Variants in RIT2 observed in about 807,000 individuals in gnomAD.
The protein encoded by RIT2 is Ras like without CAAX 2, also known as GTP-binding protein Rit2.
RIT2 carries 24 observed loss-of-function variants against 23.7 expected under a neutral mutation model. The observed-to-expected ratio is 1.01, with a 90% CI of 0.73 to 1.43. RIT2 has a LOEUF of 1.43. Among genes scored for constraint, RIT2 ranks in the 40% most tolerant of loss-of-function variants. The pLI is 0.00. For missense variants in RIT2, 236 were observed against 266.9 expected, an observed-to-expected ratio of 0.88 and a Z score of 0.81; for synonymous variants, 107 against 91.1, an observed-to-expected ratio of 1.17 and a Z score of -0.99.
intron 3 of RIT2, among the ~76,000 whole-genome samples, chr18:42,967,192 A>G (rs1487105898): frequency 6.6e-6 from 1 of 152,074 alleles, no homozygotes; most frequent in Non-Finnish European, 1.5e-5. Context: ...ATCTATCTCC[A>G]CATATAAGAG....
At chr18:42,977,238 A>T (rs1333341227) in intron 2 of RIT2, among the ~76,000 whole-genome samples, 4 of 152,032 alleles carry the variant, frequency 2.6e-5, no homozygotes, top group Non-Finnish European at 4.4e-5. Flanking sequence ...AGCCTGTTAA[A>T]TATCTATACT....
At chr18:42,922,730 G>A (rs150254651) in intron 4 of RIT2, among the ~76,000 whole-genome samples, 69 of 152,192 alleles carry the variant, frequency 4.5e-4, no homozygotes, top group African/African-American at 1.4e-3. Flanking sequence ...TGTAAGTTAC[G>A]GTAATGGATC....
chr18:42,757,303 CA>C (rs1913186511), intron 4 of RIT2, among the ~76,000 whole-genome samples: 2 of 152,152 alleles, frequency 1.3e-5, no homozygotes, highest in Admixed American at 6.6e-5. Flanking sequence ...CATGGCCCTG[CA>C]GAATCTCTGG....
chr18:42,940,236 C>CTATATATATATATATATATATATA (rs5824460), intron 3 of RIT2, among the ~76,000 whole-genome samples: 3 of 86,962 alleles, frequency 3.4e-5, no homozygotes, highest in Non-Finnish European at 6.5e-5. Flanking sequence ...GAAAGGCTCA[C>CTATATATATATATATATATATATA]TATATATATA....
chr18:43,046,880 A>G (rs1218044890), intron 1 of RIT2, among the ~76,000 whole-genome samples: 2 of 152,182 alleles, frequency 1.3e-5, no homozygotes, highest in African/African-American at 2.4e-5. Context: ...AATTTATAGT[A>G]TGGTAGATAT....
At chr18:42,945,890 G>A (rs553425429) in intron 3 of RIT2, among the ~76,000 whole-genome samples, 1 of 152,174 alleles carries the variant, frequency 6.6e-6, no homozygotes, top group African/African-American at 2.4e-5. Flanking sequence ...TTTATCATTG[G>A]AAGTATTTGC....
At position 42,920,650 on chromosome 18, in the gene RIT2, C is replaced by T. The variant is rs1016858077; in HGVS notation, c.426+2922G>A. 1.8e-5 allele frequency: 23 copies of T among 1,295,418 alleles called. No homozygotes were observed. In the Admixed American group the frequency reaches 3.7e-4, roughly 21 times the overall value. The allele number at this position is 1,295,418 out of a possible 1,614,324, so 80.2% of individuals were successfully genotyped here. A position where few individuals can be genotyped will look rare whatever the true frequency, so the allele number is the denominator to read the frequency against. On this transcript the variant is annotated intron_variant, in intron 4 of 4. Coordinates refer to ENST00000326695, the MANE Select transcript of RIT2 (RefSeq NM_002930.4). ...TCTTTTTATCTTTTTTAGAAAGGGC[C>T]CTGGGATTTCCCAAAATGCATTAAG...
intron 4 of RIT2, among the ~76,000 whole-genome samples, chr18:42,800,117 G>A (rs532124164): frequency 1.3e-5 from 2 of 152,168 alleles, no homozygotes; most frequent in African/African-American, 4.8e-5. Flanking sequence ...ATAAATAAAT[G>A]GCATTTATTT....
At chr18:43,021,503 T>C (rs1333439082) in intron 2 of RIT2, among the ~76,000 whole-genome samples, 1 of 152,074 alleles carries the variant, frequency 6.6e-6, no homozygotes, top group Non-Finnish European at 1.5e-5. Context: ...TGAGTTGTTA[T>C]CCCCAGTGTT....
At chr18:43,079,836 C>G (rs759717862) in intron 1 of RIT2, among the ~76,000 whole-genome samples, 3 of 152,138 alleles carry the variant, frequency 2.0e-5, no homozygotes, top group Non-Finnish European at 4.4e-5. Flanking sequence ...GAAAAGGAAG[C>G]CTCTGCCTTT....
Position 43,102,139 on chromosome 18 carries a change from T to C in RIT2, c.103+13278A>G, listed in dbSNP as rs139942314. ...TCTAGTCCTATTTGAGATTCTATGGTCTTCTCTTCTTAGGATTTCCTCTTA... is the reference window on the plus strand; with the variant it reads ...TCTAGTCCTATTTGAGATTCTATGGCCTTCTCTTCTTAGGATTTCCTCTTA... On this transcript the variant is annotated intron_variant, in intron 1 of 4. Transcript: ENST00000326695. Among the ~76,000 whole-genome samples, 810 of 152,310 alleles carry C rather than the reference T, an allele frequency of 5.3e-3. 5 individuals carry two copies. Among genetic ancestry groups the C allele is most frequent in the Middle Eastern group, 0.034 (10 of 294 alleles).
Position 42,871,034 on chromosome 18 carries a change from A to G in RIT2, c.426+52538T>C, listed in dbSNP as rs8082763. Among the ~76,000 whole-genome samples the G allele has an allele frequency of 8.1e-3, 1,239 of 152,270 alleles. 18 individuals are homozygous for G. The highest frequency in any genetic ancestry group is 0.028 in the African/African-American group (1,180 of 41,546). ...GCTATCAATTATTGACTTGTGGTCT[A>G]TGTTCTGACTGTGATGACCTACATC... On this transcript the variant is annotated intron_variant, in intron 4 of 4. Transcript: ENST00000326695.
At chr18:43,003,761 GACACACACACACACACAC>G (rs56860348) in intron 2 of RIT2, among the ~76,000 whole-genome samples, 31 of 129,588 alleles carry the variant, frequency 2.4e-4, no homozygotes, top group African/African-American at 4.8e-4. Context: ...CCTCCTCAGT[GACACACACACACACACAC>G]ACACACACAC....
intron 4 of RIT2, among the ~76,000 whole-genome samples, chr18:42,849,215 C>T (rs890069206): frequency 6.6e-6 from 1 of 152,150 alleles, no homozygotes; most frequent in East Asian, 1.9e-4. Flanking sequence ...TGAATATGAT[C>T]CAGTCTAAAA....
At chr18:42,806,126 TA>T (rs1309548610) in intron 4 of RIT2, among the ~76,000 whole-genome samples, 9 of 144,766 alleles carry the variant, frequency 6.2e-5, no homozygotes, top group African/African-American at 1.0e-4. Context: ...TATATATATA[TA>T]TATTTTACAA....
At chr18:42,859,659 C>T (rs1454810434) in intron 4 of RIT2, among the ~76,000 whole-genome samples, 8 of 152,182 alleles carry the variant, frequency 5.3e-5, no homozygotes, top group African/African-American at 9.6e-5. Flanking sequence ...TGTGCTGCTA[C>T]GTGTTCTTTC....
chr18:43,061,221 T>A (rs1912637168), intron 1 of RIT2, among the ~76,000 whole-genome samples: 1 of 152,104 alleles, frequency 6.6e-6, no homozygotes, highest in African/African-American at 2.4e-5. Context: ...ACATTTCAAG[T>A]TTCTTTATTT....
intron 1 of RIT2, among the ~76,000 whole-genome samples, chr18:43,054,089 C>T (rs1014745669): frequency 1.3e-5 from 2 of 152,050 alleles, no homozygotes; most frequent in African/African-American, 4.8e-5. Flanking sequence ...GAGGGGAAAT[C>T]AGCTCTTTGT....
intron 3 of RIT2, among the ~76,000 whole-genome samples, chr18:42,928,167 A>G (rs1909231065): frequency 6.6e-6 from 1 of 152,048 alleles, no homozygotes. Flanking sequence ...AAGTAAATTA[A>G]TAAGTCCGTC....
Sources: gnomAD v4.1 joint callset for allele counts (sites outside exome capture counted in the v4.1 genomes callset) on GRCh38, gnomAD v4.1.1 for gene constraint, MANE v1.5 for transcripts, NCBI Gene and HGNC (gene_info 2026-07-23, HGNC 2026-07-21) for gene names.